The following PIWIL3 variants were observed in gnomAD, a reference collection of about 807,000 sequenced individuals.
PIWIL3 encodes piwi like RNA-mediated gene silencing 3.
Under a neutral mutation model 109.7 loss-of-function variants are expected in PIWIL3, and 101 were observed. The observed-to-expected ratio is 0.92, with a 90% CI of 0.78 to 1.09. The LOEUF (loss-of-function observed/expected upper bound fraction) is 1.09, where lower values mean the gene tolerates loss of function less well. Ranked by LOEUF, PIWIL3 falls within the 50% of genes least tolerant of loss-of-function variation. PIWIL3 has a pLI of 0.00. For synonymous variants in PIWIL3, 373 were observed against 376.4 expected, an observed-to-expected ratio of 0.99 and a Z score of 0.10; for missense variants, 1,031 against 1,072.6, an observed-to-expected ratio of 0.96 and a Z score of 0.54.
At chr22:24,754,348 G>C (rs1312119181) in intron 7 of PIWIL3, 131 bp from the exon 8 acceptor site, 1 of 690,934 alleles carries the variant, frequency 1.4e-6, no homozygotes, top group Non-Finnish European at 2.4e-6. Flanking sequence ...GTCTTTTGAA[G>C]GACCTTCAGA....
intron 1 of PIWIL3, among the ~76,000 whole-genome samples, chr22:24,769,275 T>A (rs1425250650): frequency 6.6e-6 from 1 of 152,194 alleles, no homozygotes; most frequent in East Asian, 1.9e-4. Flanking sequence ...ATCTTTTGAC[T>A]TCCCCGGGCC....
rs780742127 is a variant in PIWIL3, at chr22:24,737,529, G to T, written c.1450-1637C>A. 1.2e-4 allele frequency among the ~76,000 whole-genome samples: 18 copies of T among 152,292 alleles called. 1 individual carries two copies. Among genetic ancestry groups the T allele is most frequent in the Non-Finnish European group, 2.2e-4 (15 of 68,032 alleles). Reference sequence around the variant, plus strand: ...ATATTCCCAGCTGTTGTGGCTATGGGGAGAGACTCCTGCTTGAGAAAAGTA... The same window carrying T: ...ATATTCCCAGCTGTTGTGGCTATGGTGAGAGACTCCTGCTTGAGAAAAGTA... On this transcript the variant is annotated intron_variant, in intron 12 of 20. Coordinates refer to ENST00000616349, the MANE Select transcript of PIWIL3 (RefSeq NM_001255975.1).
In PIWIL3 at chr22:24,719,889, G is replaced by T. The variant is rs1183445387; in HGVS notation, c.2364C>A (p.Asp788Glu). 3 of 1,608,662 alleles carry T rather than the reference G, an allele frequency of 1.9e-6. No homozygotes were observed. The highest frequency in any genetic ancestry group is 2.2e-5 in the East Asian group (1 of 44,840). Residue 788 changes from aspartate to glutamate, a missense_variant, in exon 20 of 21, where the codon GAC becomes GAA. Physicochemically the swap from Asp to Glu is conservative, Grantham distance 45 (BLOSUM62 2). Transcript: ENST00000616349. ...DVELTRNEWY[D>E]FFIVSQSVQD... is the part of the protein sequence containing the mutation. Reference sequence around the variant, plus strand: ...GCACAGACTGACTCACAATAAAAAAGTCATACCTGGAAATATAGGACATGT... The same window carrying T: ...GCACAGACTGACTCACAATAAAAAATTCATACCTGGAAATATAGGACATGT...
chr22:24,755,155 C>T (rs1185489739), intron 6 of PIWIL3, among the ~76,000 whole-genome samples: 3 of 152,176 alleles, frequency 2.0e-5, no homozygotes, highest in East Asian at 3.9e-4. Flanking sequence ...CAGAGTCTCG[C>T]TCTGTTGCCC....
At chr22:24,740,173 G>A (rs75130052) in intron 12 of PIWIL3, among the ~76,000 whole-genome samples, 12,243 of 138,900 alleles carry the variant, frequency 0.088, 588 homozygotes, top group South Asian at 0.15. Flanking sequence ...AGCCAAGATC[G>A]TGCCACCACT....
In PIWIL3 at chr22:24,751,427, G is replaced by A. The variant is rs748598939; in HGVS notation, c.1049C>T (p.Ser350Leu). The A allele has an allele frequency of 1.9e-6, 3 of 1,613,962 alleles. No homozygotes were observed. The highest frequency in any genetic ancestry group is 1.3e-5 in the African/African-American group (1 of 75,030). ...KQNPEDTFNK[S>L]DGSKITYIDY... Reference sequence around the variant, plus strand: ...TATATAGGTGATTTTGCTGCCATCTGATTTGTTAAATGTGTCTTCAGGATT... The same window carrying A: ...TATATAGGTGATTTTGCTGCCATCTAATTTGTTAAATGTGTCTTCAGGATT... Residue 350 changes from serine to leucine, a missense_variant, in exon 9 of 21, where the codon TCA becomes TTA. Coordinates refer to ENST00000616349, the MANE Select transcript of PIWIL3 (RefSeq NM_001255975.1).
intron 3 of PIWIL3, 109 bp from the exon 4 acceptor site, chr22:24,758,148 G>T (rs2147712388): frequency 1.5e-6 from 2 of 1,297,284 alleles, no homozygotes; most frequent in South Asian, 3.0e-5. Flanking sequence ...TGCCACCCAA[G>T]GTTCCAAAAC....
rs559565106 is a variant in PIWIL3 at position 24,740,320 on chromosome 22, G to A, written c.1450-4428C>T. ...TCCCAGCACTTTGGGAGCCCGAGGC[G>A]GGTGGATCACAAGGTCAGGAGATCG... On this transcript the variant is annotated intron_variant, in intron 12 of 20. Transcript: ENST00000616349. Among the ~76,000 whole-genome samples the A allele has an allele frequency of 1.5e-3, 220 of 151,596 alleles. 2 individuals carry two copies. The highest frequency in any genetic ancestry group is 3.3e-3 in the South Asian group (16 of 4,790).
intron 1 of PIWIL3, among the ~76,000 whole-genome samples, chr22:24,767,763 T>C (rs965881329): frequency 6.6e-6 from 1 of 152,186 alleles, no homozygotes; most frequent in Non-Finnish European, 1.5e-5. Context: ...AGGAAGTTCA[T>C]AGAACACTAA....
At chr22:24,732,342 G>GGGTAC (rs1923401359) in intron 14 of PIWIL3, among the ~76,000 whole-genome samples, 1 of 152,078 alleles carries the variant, frequency 6.6e-6, no homozygotes, top group African/African-American at 2.4e-5. Flanking sequence ...CATCCATTTG[G>GGGTAC]GGTACATAAG....
chr22:24,728,501 A>C, intron 14 of PIWIL3, 127 bp from the exon 15 acceptor site: 1 of 1,098,634 alleles, frequency 9.1e-7, no homozygotes, highest in Non-Finnish European at 1.3e-6. Context: ...AAGAAAATAT[A>C]TGAGCCCAAG....
intron 12 of PIWIL3, among the ~76,000 whole-genome samples, chr22:24,743,320 T>C (rs1924119308): frequency 6.6e-6 from 1 of 152,196 alleles, no homozygotes; most frequent in African/African-American, 2.4e-5. Flanking sequence ...GATCTACCAT[T>C]TGAACTAGCA....
intron 1 of PIWIL3, among the ~76,000 whole-genome samples, chr22:24,772,024 T>C (rs904169533): frequency 2.0e-5 from 3 of 152,152 alleles, no homozygotes; most frequent in Non-Finnish European, 4.4e-5. Flanking sequence ...GCTATAGTGC[T>C]CAGTTGGCCA....
intron 1 of PIWIL3, among the ~76,000 whole-genome samples, chr22:24,766,768 C>T (rs1008873118): frequency 1.4e-4 from 22 of 152,122 alleles, no homozygotes; most frequent in Non-Finnish European, 3.1e-4. Flanking sequence ...CTTTGTCTTA[C>T]TGCTTTGAAA....
intron 14 of PIWIL3, 57 bp downstream of exon 14, chr22:24,734,027 T>C (rs1290354764): frequency 2.6e-6 from 4 of 1,540,570 alleles, no homozygotes; most frequent in African/African-American, 1.4e-5. Context: ...AAAATACTTA[T>C]CAAGATGGTT....
At chr22:24,720,563 G>T (rs992434609) in intron 19 of PIWIL3, among the ~76,000 whole-genome samples, 1 of 152,090 alleles carries the variant, frequency 6.6e-6, no homozygotes, top group East Asian at 1.9e-4. Flanking sequence ...GAGCCACTGC[G>T]CCTGGCCTTA....
intron 12 of PIWIL3, among the ~76,000 whole-genome samples, chr22:24,744,178 TAAAAA>T (rs1188611412): frequency 2.9e-5 from 1 of 34,304 alleles, no homozygotes; most frequent in Non-Finnish European, 5.7e-5. Flanking sequence ...GTGACCGAAT[TAAAAA>T]AAAAAAAAAA....
At chr22:24,744,751 GTAT>G (rs1273363552) in intron 12 of PIWIL3, among the ~76,000 whole-genome samples, 2 of 152,178 alleles carry the variant, frequency 1.3e-5, no homozygotes, top group Non-Finnish European at 2.9e-5. Context: ...TATAAAACAA[GTAT>G]TATTAGAGCT....
intron 12 of PIWIL3, among the ~76,000 whole-genome samples, chr22:24,745,964 T>C (rs1924343201): frequency 6.6e-6 from 1 of 152,076 alleles, no homozygotes; most frequent in Non-Finnish European, 1.5e-5. Flanking sequence ...AGAGATGTAA[T>C]AAAAAGTTTC....
Sources: allele counts gnomAD v4.1 joint callset (sites outside exome capture counted in the v4.1 genomes callset), GRCh38; gene constraint gnomAD v4.1.1; transcripts MANE v1.5; gene names NCBI Gene and HGNC (gene_info 2026-07-23, HGNC 2026-07-21).